The following ELAPOR2 variants were observed in gnomAD, a reference collection of about 807,000 sequenced individuals.
ELAPOR2 encodes endosome-lysosome associated apoptosis and autophagy regulator family member 2.
A neutral mutation model predicts 120.7 loss-of-function variants in ELAPOR2; 89 were observed. The observed-to-expected ratio is 0.74, with a 90% CI of 0.62 to 0.88. The LOEUF is 0.88. Among genes scored for constraint, ELAPOR2 ranks in the 40% least tolerant of loss-of-function variants. The pLI, the probability that ELAPOR2 is intolerant of heterozygous loss-of-function variation, is 0.00. For missense variants in ELAPOR2, 1,134 were observed against 1,251.6 expected (o/e 0.91, Z 1.42); for synonymous variants, 444 against 444.9 (o/e 1.00, Z 0.03).
chr7:86,919,965 A>G (rs1437666834), intron 10 of ELAPOR2: 4 of 152,130 alleles, frequency 2.6e-5, no homozygotes, highest in Non-Finnish European at 5.9e-5. Context: ...TGAAATGGCC[A>G]CAGTAAAATG....
chr7:86,988,753 T>G (rs1792843509), intron 1 of ELAPOR2, among the ~76,000 whole-genome samples: 2 of 152,152 alleles, frequency 1.3e-5, no homozygotes, highest in Non-Finnish European at 2.9e-5. Context: ...CCCCCTCCCC[T>G]GGAGAATCTA....
At chr7:86,897,060 TATTAAATATAA>T (rs1289768559) in intron 19 of ELAPOR2, among the ~76,000 whole-genome samples, 4 of 152,112 alleles carry the variant, frequency 2.6e-5, no homozygotes, top group African/African-American at 4.8e-5. Context: ...TTTCATAATG[TATTAAATATAA>T]AATGGAAACA....
intron 4 of ELAPOR2, among the ~76,000 whole-genome samples, chr7:86,943,670 C>G (rs1308947423): frequency 6.6e-6 from 1 of 152,006 alleles, no homozygotes; most frequent in Non-Finnish European, 1.5e-5. Flanking sequence ...AACACTTATT[C>G]TCACAATTAG....
At chr7:87,019,104 T>C (rs1046708419) in intron 1 of ELAPOR2, among the ~76,000 whole-genome samples, 9 of 152,134 alleles carry the variant, frequency 5.9e-5, no homozygotes, top group South Asian at 4.1e-4. Flanking sequence ...AACAGCAACA[T>C]AGAAAAAAAT....
chr7:87,058,518 C>A (rs890469162), intron 1 of ELAPOR2, among the ~76,000 whole-genome samples: 1 of 152,106 alleles, frequency 6.6e-6, no homozygotes, highest in South Asian at 2.1e-4. Context: ...ACCAATGACA[C>A]CCCCTGTAAA....
At chr7:86,913,337 T>G (rs1789412617) in intron 13 of ELAPOR2, 133 bp from the exon 14 acceptor site, 1 of 801,346 alleles carries the variant, frequency 1.2e-6, no homozygotes, top group Non-Finnish European at 1.9e-6. Context: ...TGACAATAGA[T>G]TAATATCACT....
chr7:87,038,854 A>G (rs970883484), intron 1 of ELAPOR2, among the ~76,000 whole-genome samples: 2 of 152,194 alleles, frequency 1.3e-5, no homozygotes, highest in Non-Finnish European at 2.9e-5. Context: ...CTTTAAATAA[A>G]CAATCTAATG....
chr7:87,040,013 G>T (rs571816221), intron 1 of ELAPOR2, among the ~76,000 whole-genome samples: 1 of 151,844 alleles, frequency 6.6e-6, no homozygotes, highest in Non-Finnish European at 1.5e-5. Context: ...GGTGACGGAC[G>T]GCACCTGGAA....
intron 21 of ELAPOR2, among the ~76,000 whole-genome samples, chr7:86,883,221 T>C (rs1208363747): frequency 1.3e-5 from 2 of 152,192 alleles, no homozygotes; most frequent in Admixed American, 6.5e-5. Flanking sequence ...TTAGTTTTAA[T>C]TGCTGAGAAA....
intron 1 of ELAPOR2, among the ~76,000 whole-genome samples, chr7:86,991,798 T>C (rs1393893049): frequency 6.6e-6 from 1 of 152,124 alleles, no homozygotes; most frequent in East Asian, 1.9e-4. Context: ...CCAGCCATTA[T>C]ATTCATGTGA....
chr7:86,983,539 C>T (rs940913422), intron 1 of ELAPOR2, among the ~76,000 whole-genome samples: 1 of 152,192 alleles, frequency 6.6e-6, no homozygotes, highest in Admixed American at 6.5e-5. Flanking sequence ...ATTCAACATT[C>T]TTAAAGAAAA....
intron 10 of ELAPOR2, among the ~76,000 whole-genome samples, chr7:86,922,473 A>G (rs1437216591): frequency 6.6e-6 from 1 of 151,916 alleles, no homozygotes; most frequent in African/African-American, 2.4e-5. Context: ...ATTACCTAGA[A>G]AAAAAACACC....
intron 18 of ELAPOR2, among the ~76,000 whole-genome samples, chr7:86,907,415 T>C (rs1257406787): frequency 6.6e-6 from 1 of 152,016 alleles, no homozygotes; most frequent in Non-Finnish European, 1.5e-5. Context: ...TTTATATTTC[T>C]TCAAGAGAAT....
chr7:87,048,201 A>G (rs970802888), intron 1 of ELAPOR2, among the ~76,000 whole-genome samples: 3 of 151,634 alleles, frequency 2.0e-5, no homozygotes, highest in Non-Finnish European at 2.9e-5. Context: ...CCGAGATTGC[A>G]CCACTGCACT....
At chr7:86,898,771 G>A (rs141945839) in intron 18 of ELAPOR2, among the ~76,000 whole-genome samples, 5 of 152,218 alleles carry the variant, frequency 3.3e-5, no homozygotes, top group African/African-American at 9.6e-5. Flanking sequence ...ATGAGTGAGT[G>A]CTGGGCATAT....
At chr7:86,984,048 C>G (rs544155980) in intron 1 of ELAPOR2, among the ~76,000 whole-genome samples, 17 of 152,224 alleles carry the variant, frequency 1.1e-4, no homozygotes, top group African/African-American at 4.1e-4. Flanking sequence ...CAATCCTGGT[C>G]TCTGATAAAA....
chr7:86,989,113 T>G (rs988629938), intron 1 of ELAPOR2, among the ~76,000 whole-genome samples: 1 of 152,182 alleles, frequency 6.6e-6, no homozygotes, highest in Non-Finnish European at 1.5e-5. Context: ...AACAAACACA[T>G]GAAGACTAAC....
intron 21 of ELAPOR2, 149 bp from the exon 22 acceptor site, chr7:86,880,679 C>T (rs1443593591): frequency 1.3e-5 from 8 of 608,966 alleles, no homozygotes; most frequent in African/African-American, 3.8e-5. Flanking sequence ...AATTGGGTGG[C>T]AGATATAAAA....
At chr7:86,928,871 G>A (rs1790198171) in intron 8 of ELAPOR2, among the ~76,000 whole-genome samples, 1 of 151,956 alleles carries the variant, frequency 6.6e-6, no homozygotes, top group South Asian at 2.1e-4. Flanking sequence ...TCACATGGCA[G>A]ATTGATTCTG....
Sources: allele counts gnomAD v4.1 joint callset (sites outside exome capture counted in the v4.1 genomes callset), GRCh38; gene constraint gnomAD v4.1.1; transcripts MANE v1.5; gene names NCBI Gene and HGNC (gene_info 2026-07-23, HGNC 2026-07-21).